Variants in RORB observed in about 807,000 individuals in gnomAD.
The protein encoded by RORB is RAR related orphan receptor B.
A neutral mutation model predicts 59.1 loss-of-function variants in RORB; 6 were observed. The ratio of observed to expected loss-of-function variants is 0.10; its 90% CI spans 0.06 to 0.20. The LOEUF (loss-of-function observed/expected upper bound fraction) is 0.20. RORB is among the 10% of genes least tolerant of loss of function. The pLI, the probability that RORB is intolerant of heterozygous loss-of-function variation, is 1.00. For missense variants in RORB, 320 were observed against 560.5 expected (o/e 0.57, Z 4.33); for synonymous variants, 215 against 204.5 (o/e 1.05, Z -0.44).
At chr9:74,545,705 T>C (rs2118145890) in intron 1 of RORB, among the ~76,000 whole-genome samples, 1 of 152,298 alleles carries the variant, frequency 6.6e-6, no homozygotes, top group South Asian at 2.1e-4. Context: ...CAATTACATT[T>C]AGAAACACTT....
chr9:74,535,148 GGT>G (rs10535477), intron 1 of RORB, among the ~76,000 whole-genome samples: 84,985 of 151,534 alleles, frequency 0.56, 24,172 homozygotes, highest in East Asian at 0.83. Flanking sequence ...GCACCATAGG[GGT>G]GTGTGTGTGT....
At chr9:74,594,316 G>C (rs1481563585) in intron 1 of RORB, among the ~76,000 whole-genome samples, 3 of 152,098 alleles carry the variant, frequency 2.0e-5, no homozygotes, top group Non-Finnish European at 2.9e-5. Context: ...ACTCACAGCT[G>C]TCAGCACACC....
chr9:74,508,519 T>G (rs1361823695), intron 1 of RORB, among the ~76,000 whole-genome samples: 1 of 152,020 alleles, frequency 6.6e-6, no homozygotes, highest in Non-Finnish European at 1.5e-5. Context: ...GCCATACTTT[T>G]TGAAACTAAA....
intron 1 of RORB, among the ~76,000 whole-genome samples, chr9:74,546,071 G>T (rs1046128670): frequency 1.6e-4 from 24 of 152,212 alleles, no homozygotes; most frequent in African/African-American, 5.3e-4. Flanking sequence ...TAAAGACATG[G>T]CAGAAGGAAA....
At chr9:74,622,686 C>A (rs1404226484) in intron 1 of RORB, among the ~76,000 whole-genome samples, 1 of 151,780 alleles carries the variant, frequency 6.6e-6, no homozygotes, top group Non-Finnish European at 1.5e-5. Flanking sequence ...ACCACCACAC[C>A]CAGCTAATTT....
intron 2 of RORB, among the ~76,000 whole-genome samples, chr9:74,632,624 C>G (rs1017980842): frequency 2.0e-5 from 3 of 152,074 alleles, no homozygotes; most frequent in Non-Finnish European, 4.4e-5. Context: ...AAGCAAGAAA[C>G]GAGTCGTAAT....
At chr9:74,552,235 G>T (rs747805228) in intron 1 of RORB, among the ~76,000 whole-genome samples, 7 of 152,132 alleles carry the variant, frequency 4.6e-5, no homozygotes, top group Non-Finnish European at 1.0e-4. Context: ...TCTCATCAGT[G>T]GAAGTGATCA....
intron 1 of RORB, among the ~76,000 whole-genome samples, chr9:74,599,986 C>A (rs7875605): frequency 0.47 from 70,912 of 152,024 alleles, 16,904 homozygotes; most frequent in East Asian, 0.77. Flanking sequence ...GTGAATTTCT[C>A]CCTTTCCTTT....
intron 3 of RORB, among the ~76,000 whole-genome samples, chr9:74,635,584 T>C (rs1253726065): frequency 6.6e-6 from 1 of 152,194 alleles, no homozygotes; most frequent in Non-Finnish European, 1.5e-5. Flanking sequence ...CCCTGAATCC[T>C]GGGGCCATTT....
At chr9:74,601,160 T>C (rs1046159665) in intron 1 of RORB, among the ~76,000 whole-genome samples, 28 of 152,052 alleles carry the variant, frequency 1.8e-4, no homozygotes, top group African/African-American at 6.3e-4. Context: ...ATTCCTCTTC[T>C]AGGAATAAGA....
At chr9:74,648,091 G>A (rs1021434131) in intron 4 of RORB, among the ~76,000 whole-genome samples, 1 of 152,112 alleles carries the variant, frequency 6.6e-6, no homozygotes, top group African/African-American at 2.4e-5. Context: ...GTAACTGTCC[G>A]ATACATCATT....
chr9:74,681,852 G>C (rs1824552765), intron 9 of RORB, among the ~76,000 whole-genome samples: 1 of 152,176 alleles, frequency 6.6e-6, no homozygotes, highest in Non-Finnish European at 1.5e-5. Context: ...GTCACAGTTA[G>C]TAAAATAAGC....
chr9:74,555,822 A>G (rs1822278842), intron 1 of RORB, among the ~76,000 whole-genome samples: 1 of 152,240 alleles, frequency 6.6e-6, no homozygotes, highest in Admixed American at 6.5e-5. Flanking sequence ...GGTAGTTTGC[A>G]TATGATGTCA....
At chr9:74,519,127 A>T (rs551083233) in intron 1 of RORB, among the ~76,000 whole-genome samples, 1 of 152,108 alleles carries the variant, frequency 6.6e-6, no homozygotes, top group African/African-American at 2.4e-5. Context: ...TTTCATAGGA[A>T]TATGAGGAAA....
rs750971863 is a variant in RORB, at chr9:74,685,538, C to T, written c.1300C>T (p.His434Tyr). The T allele has an allele frequency of 3.7e-6, 6 of 1,613,512 alleles. No individual in the cohort carries two copies. The highest frequency in any genetic ancestry group is 1.1e-5 in the South Asian group (1 of 91,042). ...GEKLQVFKQS[H>Y]PEIVNTLFPP... is the part of the protein sequence containing the mutation. ...GAAGCTGCAGGTATTTAAGCAATCT[C>T]ATCCAGAGATAGTGAATACACTGTT... is the stretch of plus-strand genomic sequence containing the variant. The change falls in exon 10 of 10, where the codon CAT becomes TAT. Residue 434 changes from histidine to tyrosine, a missense_variant. Coordinates refer to ENST00000376896, the MANE Select transcript of RORB (RefSeq NM_006914.4).
chr9:74,556,384 G>C (rs1324276002), intron 1 of RORB, among the ~76,000 whole-genome samples: 1 of 152,164 alleles, frequency 6.6e-6, no homozygotes, highest in Non-Finnish European at 1.5e-5. Context: ...AGGAACTCTT[G>C]CTTTTAAAAT....
chr9:74,682,384 G>A (rs986315524), intron 9 of RORB, among the ~76,000 whole-genome samples: 72 of 151,732 alleles, frequency 4.7e-4, no homozygotes, highest in African/African-American at 1.7e-3. Flanking sequence ...GTATACATAT[G>A]TAACTAACCT....
intron 1 of RORB, among the ~76,000 whole-genome samples, chr9:74,578,490 A>G (rs1272071874): frequency 2.6e-5 from 4 of 152,106 alleles, no homozygotes. Context: ...ATGACATGCA[A>G]TTTACCCATG....
At chr9:74,627,788 G>A (rs1388773861) in intron 1 of RORB, among the ~76,000 whole-genome samples, 1 of 151,620 alleles carries the variant, frequency 6.6e-6, no homozygotes, top group African/African-American at 2.4e-5. Flanking sequence ...ACATTTGAAA[G>A]GTTATTGCTA....
Sources: allele counts gnomAD v4.1 joint callset (sites outside exome capture counted in the v4.1 genomes callset), GRCh38; gene constraint gnomAD v4.1.1; transcripts MANE v1.5; gene names NCBI Gene and HGNC (gene_info 2026-07-23, HGNC 2026-07-21).